Variants in NUDCD1 observed in about 807,000 individuals in gnomAD.
NUDCD1 encodes the protein NudC domain containing 1, also known as nudC domain-containing protein 1.
A neutral mutation model predicts 67.8 loss-of-function variants in NUDCD1; 60 were observed. That is an observed-to-expected ratio of 0.88 (90% confidence interval 0.72 to 1.10). The LOEUF is 1.10. NUDCD1 is among the 50% of genes least tolerant of loss of function. The pLI is 0.00. For synonymous variants in NUDCD1, 244 were observed against 230.8 expected, an observed-to-expected ratio of 1.06 and a Z score of -0.52; for missense variants, 643 against 695.0, an observed-to-expected ratio of 0.93 and a Z score of 0.84.
intron 7 of NUDCD1, among the ~76,000 whole-genome samples, chr8:109,272,777 A>T (rs1814186512): frequency 6.6e-6 from 1 of 152,086 alleles, no homozygotes; most frequent in Non-Finnish European, 1.5e-5. Flanking sequence ...CCCAGCTGGG[A>T]TATGGAACCA....
At chr8:109,297,562 T>C (rs1814874501) in intron 2 of NUDCD1, among the ~76,000 whole-genome samples, 1 of 152,198 alleles carries the variant, frequency 6.6e-6, no homozygotes, top group Non-Finnish European at 1.5e-5. Flanking sequence ...GGACGTATTA[T>C]GCCTCCTTTC....
At chr8:109,267,324 T>G (rs1397314998) in intron 8 of NUDCD1, among the ~76,000 whole-genome samples, 1 of 152,140 alleles carries the variant, frequency 6.6e-6, no homozygotes, top group Admixed American at 6.5e-5. Flanking sequence ...TTTATTTGTG[T>G]GTCCATATGT....
intron 3 of NUDCD1, among the ~76,000 whole-genome samples, chr8:109,295,000 A>C (rs1776627375): frequency 6.6e-6 from 1 of 152,072 alleles, no homozygotes; most frequent in South Asian, 2.1e-4. Context: ...TATCTAGTCA[A>C]AACTATTATT....
intron 7 of NUDCD1, among the ~76,000 whole-genome samples, chr8:109,275,028 T>C (rs1814247693): frequency 6.6e-6 from 1 of 152,148 alleles, no homozygotes; most frequent in Admixed American, 6.6e-5. Context: ...AATTGTAACA[T>C]AATTTTTGTC....
At chr8:109,263,071 A>AAC (rs955099285) in intron 8 of NUDCD1, among the ~76,000 whole-genome samples, 3 of 150,192 alleles carry the variant, frequency 2.0e-5, no homozygotes, top group South Asian at 2.1e-4. Flanking sequence ...AAAAAAAAAA[A>AAC]AAAAAAAACC....
Position 109,334,050 on chromosome 8 carries a change from T to G in NUDCD1, c.-40A>C. On this transcript the variant is annotated 5_prime_UTR_variant, in exon 1 of 10. Coordinates refer to ENST00000239690, the MANE Select transcript of NUDCD1 (RefSeq NM_032869.4). ...GCAGCGTGAGAATTAATAAAGCCCTTGTTGAAAGGTCCGCGCTTCACGCCT... is the reference window on the plus strand; with the variant it reads ...GCAGCGTGAGAATTAATAAAGCCCTGGTTGAAAGGTCCGCGCTTCACGCCT... The G allele has an allele frequency of 6.2e-7, 1 of 1,612,736 alleles. No homozygotes were observed.
At chr8:109,324,093 T>G (rs1393381785) in intron 1 of NUDCD1, among the ~76,000 whole-genome samples, 2 of 151,882 alleles carry the variant, frequency 1.3e-5, no homozygotes, top group Admixed American at 6.6e-5. Flanking sequence ...AAATACCTTC[T>G]GCAGAGCAAA....
chr8:109,285,475 G>A (rs1422124999), intron 5 of NUDCD1, among the ~76,000 whole-genome samples: 1 of 152,128 alleles, frequency 6.6e-6, no homozygotes, highest in Non-Finnish European at 1.5e-5. Context: ...GATCAAGTAA[G>A]CTTCATTCCT....
intron 5 of NUDCD1, among the ~76,000 whole-genome samples, chr8:109,282,882 T>TA (rs145282592): frequency 6.8e-6 from 1 of 146,528 alleles, no homozygotes; most frequent in Non-Finnish European, 1.5e-5. Flanking sequence ...TCTGGCACCA[T>TA]AAAAAAAATC....
intron 2 of NUDCD1, among the ~76,000 whole-genome samples, chr8:109,305,102 CTAG>C (rs1413953085): frequency 2.0e-5 from 3 of 152,122 alleles, no homozygotes; most frequent in Admixed American, 2.0e-4. Context: ...ATCTGCTATT[CTAG>C]TACTCCTCAG....
intron 8 of NUDCD1, among the ~76,000 whole-genome samples, chr8:109,263,045 A>C: frequency 1.1e-5 from 1 of 89,834 alleles, no homozygotes; most frequent in Non-Finnish European, 2.0e-5. Flanking sequence ...ACAGAGTGAG[A>C]CTCTGTCTCA....
intron 1 of NUDCD1, among the ~76,000 whole-genome samples, chr8:109,323,089 T>C (rs80036728): frequency 0.035 from 5,320 of 152,274 alleles, 331 homozygotes; most frequent in African/African-American, 0.12. Flanking sequence ...GGTTTAAATC[T>C]AGCAAATGTG....
At chr8:109,254,466 C>G (rs996843606) in intron 8 of NUDCD1, among the ~76,000 whole-genome samples, 4 of 152,224 alleles carry the variant, frequency 2.6e-5, no homozygotes, top group African/African-American at 9.6e-5. Flanking sequence ...TTGGAAAATT[C>G]ATTCCTTGTT....
At chr8:109,304,798 A>G (rs2130073347) in intron 2 of NUDCD1, among the ~76,000 whole-genome samples, 1 of 152,286 alleles carries the variant, frequency 6.6e-6, no homozygotes, top group Middle Eastern at 3.4e-3. Flanking sequence ...ATGTAGCTAA[A>G]GAAGCAGCCA....
At chr8:109,269,251 T>G (rs2125513) in intron 8 of NUDCD1, among the ~76,000 whole-genome samples, 95,429 of 152,014 alleles carry the variant, frequency 0.63, 31,155 homozygotes, top group African/African-American at 0.81. Flanking sequence ...CAAGAGAGCA[T>G]TGAAGAGATA....
intron 2 of NUDCD1, among the ~76,000 whole-genome samples, chr8:109,302,183 A>G (rs1815005251): frequency 6.6e-6 from 1 of 152,144 alleles, no homozygotes; most frequent in African/African-American, 2.4e-5. Flanking sequence ...CTTCTGCAAC[A>G]TCGCCTGGCC....
intron 2 of NUDCD1, among the ~76,000 whole-genome samples, chr8:109,308,610 A>C (rs1479834286): frequency 2.0e-5 from 3 of 151,944 alleles, no homozygotes; most frequent in African/African-American, 7.2e-5. Flanking sequence ...GAAGAGAGAA[A>C]ATCCAAATAA....
At chr8:109,329,342 A>T (rs756296667) in intron 1 of NUDCD1, among the ~76,000 whole-genome samples, 1 of 152,176 alleles carries the variant, frequency 6.6e-6, no homozygotes, top group Non-Finnish European at 1.5e-5. Context: ...ATCTTGATAA[A>T]AACTATATGT....
intron 2 of NUDCD1, among the ~76,000 whole-genome samples, chr8:109,301,301 G>C (rs1814984074): frequency 6.6e-6 from 1 of 152,106 alleles, no homozygotes; most frequent in African/African-American, 2.4e-5. Flanking sequence ...CCCTTAAGAA[G>C]GTACTTTGTA....
Sources: gnomAD v4.1 joint callset for allele counts (sites outside exome capture counted in the v4.1 genomes callset) on GRCh38, gnomAD v4.1.1 for gene constraint, MANE v1.5 for transcripts, NCBI Gene and HGNC (gene_info 2026-07-23, HGNC 2026-07-21) for gene names.